Variants in GRIK4 observed in about 807,000 individuals in gnomAD.
The protein encoded by GRIK4 is glutamate receptor ionotropic, kainate 4.
A neutral mutation model predicts 104.9 loss-of-function variants in GRIK4; 40 were observed. The ratio of observed to expected loss-of-function variants is 0.38; its 90% CI spans 0.30 to 0.50. The LOEUF (loss-of-function observed/expected upper bound fraction) is 0.50. Among genes scored for constraint, GRIK4 ranks in the 20% least tolerant of loss-of-function variants. The probability of loss-of-function intolerance (pLI) is 0.93; values close to 1 mark genes in which losing one functional copy is unlikely to be tolerated. For synonymous variants in GRIK4, 485 were observed against 524.9 expected (o/e 0.92, Z 1.04); for missense variants, 1,047 against 1,308.1 (o/e 0.80, Z 3.08).
chr11:120,765,165 T>C (rs1591884394), intron 3 of GRIK4, among the ~76,000 whole-genome samples: 2 of 152,024 alleles, frequency 1.3e-5, no homozygotes, highest in East Asian at 3.9e-4. Flanking sequence ...CTTTTCATTC[T>C]TTTTTTTCTA....
chr11:120,611,528 G>C (rs1311753793), intron 1 of GRIK4, among the ~76,000 whole-genome samples: 2 of 152,132 alleles, frequency 1.3e-5, no homozygotes, highest in African/African-American at 4.8e-5. Flanking sequence ...TATCATAATT[G>C]TTACTGTTAT....
At chr11:120,698,737 C>T (rs1423097446) in intron 3 of GRIK4, among the ~76,000 whole-genome samples, 1 of 152,178 alleles carries the variant, frequency 6.6e-6, no homozygotes, top group African/African-American at 2.4e-5. Context: ...TGGAGTTCTG[C>T]CCCCATCCTC....
chr11:120,959,988 C>G (rs894192942), intron 16 of GRIK4, among the ~76,000 whole-genome samples: 2 of 152,102 alleles, frequency 1.3e-5, no homozygotes, highest in African/African-American at 4.8e-5. Context: ...CTGATTAAGC[C>G]ACTGCATTCC....
intron 1 of GRIK4, among the ~76,000 whole-genome samples, chr11:120,567,817 A>G (rs938416346): frequency 1.3e-5 from 2 of 152,200 alleles, no homozygotes; most frequent in Non-Finnish European, 2.9e-5. Flanking sequence ...TAAAAGTCTT[A>G]TGTTCTATTC....
rs1470793391 is a variant in GRIK4 at position 120,668,239 on chromosome 11, ATAGG to A, written c.82+7844_82+7847del. Among the ~76,000 whole-genome samples the A allele has an allele frequency of 2.0e-5, 3 of 151,754 alleles. No homozygotes were observed. In the South Asian group the frequency reaches 6.3e-4, roughly 32 times the overall value. ...GAGAAAGAGGTAGGCAGACAGAGAG[ATAGG>A]TAGGCAGATGAAAGAAATAAGAAAG... is the stretch of plus-strand genomic sequence containing the variant. On this transcript the variant is annotated intron_variant, in intron 3 of 20. Transcript: ENST00000527524.
chr11:120,601,874 A>G (rs1256925563), intron 1 of GRIK4, among the ~76,000 whole-genome samples: 2 of 152,058 alleles, frequency 1.3e-5, no homozygotes, highest in South Asian at 4.2e-4. Flanking sequence ...CATGAAGGAT[A>G]AAGAAGCTGG....
rs80042987 is a variant in GRIK4, at chr11:120,696,758, G to A, written c.82+36358G>A. Among the ~76,000 whole-genome samples the A allele has an allele frequency of 3.4e-3, 523 of 152,142 alleles. 2 individuals carry two copies. The highest frequency in any genetic ancestry group is 0.012 in the African/African-American group (483 of 41,518). ...GGAGGGAGAGGTGGGAGCTGAGGGG[G>A]ACTCCCTCAACATGGTACCATTGCC... On this transcript the variant is annotated intron_variant, in intron 3 of 20. Coordinates refer to ENST00000527524, the MANE Select transcript of GRIK4 (RefSeq NM_014619.5).
chr11:120,929,688 C>T (rs1403483040), intron 13 of GRIK4, among the ~76,000 whole-genome samples: 1 of 152,150 alleles, frequency 6.6e-6, no homozygotes, highest in Non-Finnish European at 1.5e-5. Flanking sequence ...AACACCCCTC[C>T]GCTGATAGCT....
intron 1 of GRIK4, among the ~76,000 whole-genome samples, chr11:120,611,879 C>T (rs1464847059): frequency 2.6e-5 from 4 of 152,210 alleles, no homozygotes. Context: ...TGCGTGTGAA[C>T]CTGCTAGCTT....
rs1949165207 is a variant in GRIK4 at position 120,619,987 on chromosome 11, T to C, written c.-158-33698T>C. 20 of 502,432 alleles carry C rather than the reference T, an allele frequency of 4.0e-5. No homozygotes were observed. In the South Asian group the frequency reaches 6.8e-4, roughly 17 times the overall value. 31.1% of individuals were successfully genotyped at this position (502,432 alleles called of 1,614,324 possible). ...AGTTCTAGTGCAGTTTCAGTGTAAT[T>C]GGGAGTTTGGGAATCTCGGTGGAGC... is the stretch of plus-strand genomic sequence containing the variant. On this transcript the variant is annotated intron_variant, in intron 1 of 20. Coordinates refer to ENST00000527524, the MANE Select transcript of GRIK4 (RefSeq NM_014619.5).
At position 120,511,886 on chromosome 11, in the gene GRIK4, A is replaced by G. The variant is rs1333885063; in HGVS notation, c.-160A>G. The G allele has an allele frequency of 6.0e-5, 12 of 199,016 alleles. No individual in the cohort carries two copies. The highest frequency in any genetic ancestry group is 1.4e-4 in the South Asian group (3 of 20,758). The allele number at this position is 199,016 out of a possible 1,614,324, so 12.3% of individuals were successfully genotyped here. ...CAGCCCCCGGAGTGCGGAGCCGACCAGGTAAGGGCAGCGGCCCCCCGCGGC... is the reference window on the plus strand; with the variant it reads ...CAGCCCCCGGAGTGCGGAGCCGACCGGGTAAGGGCAGCGGCCCCCCGCGGC... On this transcript the variant is annotated splice_region_variant and 5_prime_UTR_variant, in exon 1 of 21. Transcript: ENST00000527524.
intron 1 of GRIK4, among the ~76,000 whole-genome samples, chr11:120,620,694 TA>T (rs1388470530): frequency 6.6e-6 from 1 of 152,226 alleles, no homozygotes; most frequent in Non-Finnish European, 1.5e-5. Context: ...TTTAATTTTT[TA>T]AATAAATATT....
chr11:120,854,552 G>A (rs988101631), intron 8 of GRIK4, among the ~76,000 whole-genome samples: 3 of 152,182 alleles, frequency 2.0e-5, no homozygotes, highest in Non-Finnish European at 2.9e-5. Context: ...TGCAGACGCC[G>A]GAGACAGCCA....
At chr11:120,639,286 C>T (rs1166446531) in intron 1 of GRIK4, among the ~76,000 whole-genome samples, 1 of 152,228 alleles carries the variant, frequency 6.6e-6, no homozygotes, top group Non-Finnish European at 1.5e-5. Flanking sequence ...CCCTAAGATT[C>T]AGCTGCATCA....
chr11:120,938,506 G>A (rs1011464314), intron 13 of GRIK4, among the ~76,000 whole-genome samples: 14 of 152,204 alleles, frequency 9.2e-5, no homozygotes, highest in South Asian at 2.1e-4. Context: ...GGTGATGGAG[G>A]ATTGGGGTTG....
intron 9 of GRIK4, 119 bp from the exon 10 acceptor site, chr11:120,873,947 A>C: frequency 6.9e-6 from 6 of 871,024 alleles, no homozygotes; most frequent in South Asian, 1.8e-5. Flanking sequence ...ATGCACTCTT[A>C]TTTCCCTTTC....
chr11:120,940,545 A>T lies in GRIK4; in HGVS notation c.1590+85A>T. 3 of 776,618 alleles carry T rather than the reference A, an allele frequency of 3.9e-6. No individual in the cohort carries two copies. The South Asian group carries it at 5.1e-5, about 13-fold the overall frequency. The allele number at this position is 776,618 out of a possible 1,614,324, so 48.1% of individuals were successfully genotyped here. On this transcript the variant is annotated intron_variant, in intron 14 of 20. Transcript: ENST00000527524. The surrounding 1 kb of genome is among the most constrained non-coding windows in gnomAD (Gnocchi z 4.3). ...GTTATACGGGAATAATGAATGACTCATGGAAATATTTAGATTTCAAGACTT... is the reference window on the plus strand; with the variant it reads ...GTTATACGGGAATAATGAATGACTCTTGGAAATATTTAGATTTCAAGACTT...
At chr11:120,765,465 C>T (rs1173962479) in intron 3 of GRIK4, among the ~76,000 whole-genome samples, 6 of 152,216 alleles carry the variant, frequency 3.9e-5, no homozygotes, top group South Asian at 4.1e-4. Flanking sequence ...TCTATCAATT[C>T]GTCAAATTCA....
chr11:120,860,149 G>T (rs1488841723), intron 8 of GRIK4, among the ~76,000 whole-genome samples: 1 of 152,234 alleles, frequency 6.6e-6, no homozygotes, highest in Non-Finnish European at 1.5e-5. Context: ...GCTAGTCCTA[G>T]GGTCTGGAAG....
Sources: allele counts gnomAD v4.1 joint callset (sites outside exome capture counted in the v4.1 genomes callset), GRCh38; gene constraint gnomAD v4.1.1; non-coding constraint Gnocchi (gnomAD v3.1); transcripts MANE v1.5; gene names NCBI Gene and HGNC (gene_info 2026-07-23, HGNC 2026-07-21).